SLC22A8: variants seen among roughly 807,000 people sequenced by gnomAD.
The protein encoded by SLC22A8 is solute carrier family 22 member 8.
In SLC22A8, 40 loss-of-function variants were observed where a neutral mutation model predicts 48.4. The ratio of observed to expected loss-of-function variants is 0.83; its 90% CI spans 0.64 to 1.08. SLC22A8 has a LOEUF of 1.08. SLC22A8 is among the 50% of genes least tolerant of loss of function. The pLI is 0.00. For synonymous variants in SLC22A8, 268 were observed against 286.3 expected (o/e 0.94, Z 0.65); for missense variants, 606 against 699.0 (o/e 0.87, Z 1.50).
intron 3 of SLC22A8, 87 bp downstream of exon 3, chr11:63,000,633 C>T: frequency 1.1e-6 from 1 of 939,778 alleles, no homozygotes; most frequent in South Asian, 1.4e-5. Flanking sequence ...CAGCTCTTTG[C>T]CTCTTTGCGG....
In SLC22A8 at chr11:62,995,958, G is replaced by A. The variant is rs755011192; in HGVS notation, c.885+71C>T. The A allele has an allele frequency of 1.1e-5, 17 of 1,605,500 alleles. No individual in the cohort carries two copies. The South Asian group carries it at 1.5e-4, about 15-fold the overall frequency. On this transcript the variant is annotated intron_variant, in intron 6 of 10. Coordinates refer to ENST00000336232, the MANE Select transcript of SLC22A8 (RefSeq NM_004254.4). ...TAGGCTGTGAGCCAGGGGAACAGAG[G>A]CAAGGGGAGGGGCCAGCCCAAGAGT... is the stretch of plus-strand genomic sequence containing the variant.
intron 9 of SLC22A8, 53 bp from the exon 10 acceptor site, chr11:62,993,680 AT>A: frequency 6.3e-7 from 1 of 1,599,102 alleles, no homozygotes; most frequent in Non-Finnish European, 8.6e-7. Flanking sequence ...TTCATAAAGG[AT>A]GGCTCCCCTG....
chr11:62,995,842 G>A (rs2086411486), intron 6 of SLC22A8, 23 bp from the exon 7 acceptor site: 1 of 1,584,390 alleles, frequency 6.3e-7, no homozygotes, highest in Non-Finnish European at 8.7e-7. Flanking sequence ...GAGGGGGAGG[G>A]GTGCCATTAA....
At chr11:63,013,416 G>C (rs1395002712) in intron 2 of SLC22A8, among the ~76,000 whole-genome samples, 1 of 152,154 alleles carries the variant, frequency 6.6e-6, no homozygotes, top group African/African-American at 2.4e-5. Flanking sequence ...CTTGGCACCA[G>C]GTAAGGGCTT....
chr11:63,000,498 A>G (rs1289054490), intron 3 of SLC22A8, among the ~76,000 whole-genome samples: 1 of 151,446 alleles, frequency 6.6e-6, no homozygotes, highest in African/African-American at 2.4e-5. Flanking sequence ...AGAAAAAAAA[A>G]AAAAAAAAAA....
At chr11:62,997,165 G>C (rs879936170) in intron 5 of SLC22A8, among the ~76,000 whole-genome samples, 1 of 152,188 alleles carries the variant, frequency 6.6e-6, no homozygotes, top group African/African-American at 2.4e-5. Flanking sequence ...TGTGTACCAG[G>C]CCCATGAAAC....
At chr11:63,010,518 T>C (rs903151872) in intron 2 of SLC22A8, among the ~76,000 whole-genome samples, 1 of 152,194 alleles carries the variant, frequency 6.6e-6, no homozygotes, top group Non-Finnish European at 1.5e-5. Context: ...ACTGGACTTG[T>C]TATGGCTGAA....
intron 3 of SLC22A8, among the ~76,000 whole-genome samples, chr11:63,000,196 G>T (rs894395291): frequency 6.6e-6 from 1 of 152,122 alleles, no homozygotes. Context: ...AGAAGGGAAG[G>T]CTGGAGGCCA....
At position 62,999,731 on chromosome 11, in the gene SLC22A8, A is replaced by G; in HGVS notation, c.549T>C (p.Cys183=). The G allele has an allele frequency of 6.2e-7, 1 of 1,605,536 alleles. No homozygotes were observed. ...GGGTAATGCCTGAGATGCCAAAGCC[A>G]CACAGGAAGCGGAAGACCATGTAGA... ...FPIYMVFRFL[C]GFGISGITLS... is the part of the protein sequence containing the mutation. Residue 183 remains cysteine (C), a synonymous_variant, in exon 4 of 11, where the codon TGT becomes TGC. Transcript: ENST00000336232.
intron 2 of SLC22A8, among the ~76,000 whole-genome samples, chr11:63,001,575 T>G (rs1335393608): frequency 6.6e-6 from 1 of 152,236 alleles, no homozygotes; most frequent in African/African-American, 2.4e-5. Flanking sequence ...TCCGTCAGGC[T>G]TCCTGCTGTT....
chr11:63,014,762 G>T lies in SLC22A8; in HGVS notation c.197C>A (p.Pro66Gln). Residue 66 changes from proline (P) to glutamine (Q), a missense_variant, in exon 2 of 11, where the codon CCA (proline) becomes CAA (glutamine). Pro to Gln is a moderately conservative substitution (Grantham distance 76). Coordinates refer to ENST00000336232, the MANE Select transcript of SLC22A8 (RefSeq NM_004254.4). ...STGPWVLPMGPNGKPERCLRF... is the reference protein window; with the variant it reads ...STGPWVLPMGQNGKPERCLRF... ...GAGGCACCTCTCAGGCTTCCCATTTGGGCCCATGGGGAGCACCCAAGGCCC... is the reference window on the plus strand; with the variant it reads ...GAGGCACCTCTCAGGCTTCCCATTTTGGCCCATGGGGAGCACCCAAGGCCC... 6.2e-7 allele frequency: 1 copy of T among 1,614,044 alleles called. No individual in the cohort carries two copies. Among genetic ancestry groups the T allele is most frequent in the Non-Finnish European group, 8.5e-7 (1 of 1,179,898 alleles).
At chr11:62,999,968 C>G in intron 3 of SLC22A8, 126 bp from the exon 4 acceptor site, 1 of 730,276 alleles carries the variant, frequency 1.4e-6, no homozygotes, top group Non-Finnish European at 2.0e-6. Flanking sequence ...GCACATAAAG[C>G]TCCCTCCCCA....
At chr11:62,998,601 T>TA (rs917130841) in intron 5 of SLC22A8, among the ~76,000 whole-genome samples, 9 of 152,186 alleles carry the variant, frequency 5.9e-5, no homozygotes, top group Non-Finnish European at 1.0e-4. Context: ...CATAGACTCT[T>TA]TCTGTGGCTT....
intron 2 of SLC22A8, among the ~76,000 whole-genome samples, chr11:63,012,821 G>C (rs2135147833): frequency 6.6e-6 from 1 of 152,314 alleles, no homozygotes. Context: ...AGGGCTAGCG[G>C]CTCTTCGACT....
intron 2 of SLC22A8, among the ~76,000 whole-genome samples, chr11:63,005,524 A>G (rs1406589348): frequency 3.3e-5 from 5 of 152,236 alleles, no homozygotes; most frequent in Non-Finnish European, 5.9e-5. Context: ...GGATCAGAAT[A>G]CGACCTCATT....
chr11:63,008,613 A>G (rs753975789), intron 2 of SLC22A8, among the ~76,000 whole-genome samples: 3 of 152,108 alleles, frequency 2.0e-5, no homozygotes, highest in Non-Finnish European at 2.9e-5. Flanking sequence ...TAGGAATGAA[A>G]AGCACCCAGC....
At chr11:62,999,354 G>C (rs1436071945) in intron 4 of SLC22A8, 4 of 494,198 alleles carry the variant, frequency 8.1e-6, no homozygotes, top group African/African-American at 1.9e-5. Context: ...CTTAACCACT[G>C]CTTCTCCAGT....
chr11:63,006,310 A>G (rs1366103450), intron 2 of SLC22A8, among the ~76,000 whole-genome samples: 1 of 152,042 alleles, frequency 6.6e-6, no homozygotes, highest in African/African-American at 2.4e-5. Flanking sequence ...CCCTTATTCT[A>G]GTAGTGTTGG....
chr11:63,000,598 C>T, intron 3 of SLC22A8, 122 bp downstream of exon 3: 3 of 668,784 alleles, frequency 4.5e-6, no homozygotes, highest in Non-Finnish European at 8.0e-6. Context: ...CAAGGCCACA[C>T]AGCAAGAGCC....
Sources: allele counts gnomAD v4.1 joint callset (sites outside exome capture counted in the v4.1 genomes callset), GRCh38; gene constraint gnomAD v4.1.1; transcripts MANE v1.5; gene names NCBI Gene and HGNC (gene_info 2026-07-23, HGNC 2026-07-21).